The following NLGN1 variants were observed in gnomAD, a reference collection of about 807,000 sequenced individuals.
The protein encoded by NLGN1 is neuroligin 1.
A neutral mutation model predicts 65.5 loss-of-function variants in NLGN1; 12 were observed. That is an observed-to-expected ratio of 0.18 (90% CI 0.12 to 0.30). The LOEUF (loss-of-function observed/expected upper bound fraction) is 0.30. Ranked by LOEUF, NLGN1 falls within the 10% of genes least tolerant of loss-of-function variation. NLGN1 has a pLI of 1.00. For synonymous variants in NLGN1, 350 were observed against 359.5 expected (o/e 0.97, Z 0.30); for missense variants, 750 against 1,007.1 (o/e 0.74, Z 3.46).
At chr3:173,683,255 C>T (rs1291928936) in intron 3 of NLGN1, among the ~76,000 whole-genome samples, 1 of 152,134 alleles carries the variant, frequency 6.6e-6, no homozygotes, top group Non-Finnish European at 1.5e-5. Context: ...AAGAAACTAT[C>T]ATTCCTACAC....
intron 4 of NLGN1, among the ~76,000 whole-genome samples, chr3:173,940,111 G>A (rs796567165): frequency 2.3e-4 from 11 of 47,238 alleles, no homozygotes; most frequent in African/African-American, 1.1e-3. Flanking sequence ...TTTTTGAGAT[G>A]GAGTCTCGCT....
chr3:173,485,147 C>T (rs906562150), intron 2 of NLGN1, among the ~76,000 whole-genome samples: 8 of 141,516 alleles, frequency 5.7e-5, no homozygotes, highest in Non-Finnish European at 1.1e-4. Flanking sequence ...AAAGCTTGTG[C>T]AAAAACTACC....
At chr3:173,944,127 G>A (rs999587591) in intron 4 of NLGN1, among the ~76,000 whole-genome samples, 3 of 119,096 alleles carry the variant, frequency 2.5e-5, no homozygotes, top group African/African-American at 9.0e-5. Flanking sequence ...TATTATGGGT[G>A]TGTGTGTGTG....
chr3:174,230,990 G>T (rs569845039), intron 4 of NLGN1, among the ~76,000 whole-genome samples: 1 of 152,140 alleles, frequency 6.6e-6, no homozygotes, highest in Non-Finnish European at 1.5e-5. Flanking sequence ...CAGGCAGGAA[G>T]GGGGTTTGTT....
chr3:173,546,412 A>G (rs112803062), intron 2 of NLGN1, among the ~76,000 whole-genome samples: 34 of 152,320 alleles, frequency 2.2e-4, no homozygotes, highest in Middle Eastern at 6.8e-3. Flanking sequence ...CCTGATGTAC[A>G]TCCAATCCCT....
rs1430710052 is a variant in NLGN1, at chr3:174,280,063, G to C, written c.1649+413G>C. Among the ~76,000 whole-genome samples the C allele has an allele frequency of 1.3e-5, 2 of 151,986 alleles. No individual in the cohort carries two copies. The highest frequency in any genetic ancestry group is 6.6e-5 in the Admixed American group (1 of 15,242). On this transcript the variant is annotated intron_variant, in intron 6 of 6. Transcript: ENST00000457714. The surrounding 1 kb of genome is among the most constrained non-coding windows in gnomAD (Gnocchi z 4.9). ...AAGAAGGAGACCTGAGGCTCTGTGAGTGTCATAGAGATGTTCACATGTCTG... is the reference window on the plus strand; with the variant it reads ...AAGAAGGAGACCTGAGGCTCTGTGACTGTCATAGAGATGTTCACATGTCTG...
chr3:173,670,355 A>C (rs1577863711), intron 3 of NLGN1, among the ~76,000 whole-genome samples: 2 of 152,312 alleles, frequency 1.3e-5, no homozygotes, highest in African/African-American at 4.8e-5. Context: ...ACTTATAGTA[A>C]GGACAAAAAC....
At chr3:174,255,423 A>G (rs943607673) in intron 4 of NLGN1, among the ~76,000 whole-genome samples, 1 of 127,866 alleles carries the variant, frequency 7.8e-6, no homozygotes. Context: ...GCGATAGAGC[A>G]AGACTCTGTC....
chr3:174,088,300 C>T (rs987147354), intron 4 of NLGN1, among the ~76,000 whole-genome samples: 3 of 151,964 alleles, frequency 2.0e-5, no homozygotes, highest in Non-Finnish European at 4.4e-5. Context: ...GAGACTAGAA[C>T]AGGAAATAGA....
chr3:173,494,759 T>C (rs2149028879), intron 2 of NLGN1, among the ~76,000 whole-genome samples: 1 of 151,986 alleles, frequency 6.6e-6, no homozygotes. Flanking sequence ...GTTGTTACTC[T>C]AGCACCATTT....
chr3:174,143,845 G>C (rs1449629777), intron 4 of NLGN1, among the ~76,000 whole-genome samples: 3 of 152,138 alleles, frequency 2.0e-5, no homozygotes, highest in Non-Finnish European at 4.4e-5. Flanking sequence ...AATGTTGCTT[G>C]ATTAATTAGT....
intron 4 of NLGN1, among the ~76,000 whole-genome samples, chr3:174,185,850 C>G (rs142908632): frequency 6.6e-6 from 1 of 151,984 alleles, no homozygotes; most frequent in African/African-American, 2.4e-5. Context: ...TGCTGATACT[C>G]TATCTTCTTT....
chr3:174,134,050 G>A (rs1172087644), intron 4 of NLGN1, among the ~76,000 whole-genome samples: 1 of 152,034 alleles, frequency 6.6e-6, no homozygotes, highest in African/African-American at 2.4e-5. Context: ...CATAGGCAAG[G>A]TCTTCCTCCT....
intron 4 of NLGN1, among the ~76,000 whole-genome samples, chr3:174,107,011 C>CAGAGAGAG (rs1194861514): frequency 8.7e-6 from 1 of 115,116 alleles, no homozygotes; most frequent in Non-Finnish European, 1.7e-5. Flanking sequence ...CACACACACA[C>CAGAGAGAG]ACACACAGAG....
intron 2 of NLGN1, among the ~76,000 whole-genome samples, chr3:173,499,016 C>A (rs1357716729): frequency 1.3e-5 from 2 of 151,182 alleles, no homozygotes; most frequent in East Asian, 3.9e-4. Context: ...CCTGTTCACT[C>A]TGATGGTAGT....
exon 7 of NLGN1, chr3:174,284,866 G>T (rs1234116701): frequency 2.0e-5 from 3 of 151,310 alleles, no homozygotes; most frequent in Non-Finnish European, 4.4e-5. Flanking sequence ...TATAAAAGTT[G>T]ACCAAAGTGA....
At chr3:174,212,631 G>C (rs979219200) in intron 4 of NLGN1, among the ~76,000 whole-genome samples, 2 of 152,236 alleles carry the variant, frequency 1.3e-5, no homozygotes, top group African/African-American at 2.4e-5. Flanking sequence ...ATGTATCCCT[G>C]TCATTATCAA....
At position 174,077,944 on chromosome 3, in the gene NLGN1, T is replaced by C. The variant is rs113512209; in HGVS notation, c.647-197371T>C. 3.2e-3 allele frequency among the ~76,000 whole-genome samples: 484 copies of C among 152,304 alleles called. 3 individuals are homozygous for C. The highest frequency in any genetic ancestry group is 0.011 in the African/African-American group (462 of 41,570). On this transcript the variant is annotated intron_variant, in intron 4 of 6. Coordinates refer to ENST00000457714, the Ensembl canonical transcript of NLGN1. Reference sequence around the variant, plus strand: ...CCAGAAAATTTCACAGATGTGCAGTTACTCTCTAATGAGTTAAAATACTGT... The same window carrying C: ...CCAGAAAATTTCACAGATGTGCAGTCACTCTCTAATGAGTTAAAATACTGT...
chr3:173,488,798 T>C (rs1328012614), intron 2 of NLGN1, among the ~76,000 whole-genome samples: 1 of 152,012 alleles, frequency 6.6e-6, no homozygotes, highest in African/African-American at 2.4e-5. Context: ...ATATATTGTA[T>C]CTATCATGAA....
Sources: gnomAD v4.1 joint callset for allele counts (sites outside exome capture counted in the v4.1 genomes callset) on GRCh38, gnomAD v4.1.1 for gene constraint, Gnocchi (gnomAD v3.1) non-coding constraint, MANE v1.5 for transcripts, NCBI Gene and HGNC (gene_info 2026-07-23, HGNC 2026-07-21) for gene names.